Variants in MTHFD1 observed in about 807,000 individuals in gnomAD.
The protein encoded by MTHFD1 is methylenetetrahydrofolate dehydrogenase, cyclohydrolase and formyltetrahydrofolate synthetase 1.
MTHFD1 carries 44 observed loss-of-function variants against 110.3 expected under a neutral mutation model. The observed-to-expected ratio is 0.40, with a 90% CI of 0.31 to 0.51. MTHFD1 has a LOEUF of 0.51. MTHFD1 is among the 20% of genes least tolerant of loss of function. The pLI is 0.60. For missense variants in MTHFD1, 909 were observed against 1,173.1 expected, an observed-to-expected ratio of 0.77 and a Z score of 3.29; for synonymous variants, 402 against 428.8, an observed-to-expected ratio of 0.94 and a Z score of 0.77.
chr14:64,396,771 T>A (rs2140942593), intron 1 of MTHFD1, among the ~76,000 whole-genome samples: 1 of 151,534 alleles, frequency 6.6e-6, no homozygotes, highest in Middle Eastern at 3.4e-3. Context: ...AAAATGGGAA[T>A]AAAACATATT....
In MTHFD1 at chr14:64,419,893, T is replaced by C. The variant is rs2078055321; in HGVS notation, c.695T>C (p.Ile232Thr). ...VKGEWIKPGA[I>T]VIDCGINYVP... The stretch of plus-strand genomic sequence containing the variant: ...GGGGAGTGGATCAAACCTGGGGCAA[T>C]AGTCATCGACTGTGGAATCAATTAT... Residue 232 changes from isoleucine (I) to threonine (T), a missense_variant, in exon 8 of 28, where the codon ATA (isoleucine) becomes ACA (threonine). Coordinates refer to ENST00000652337, the MANE Select transcript of MTHFD1 (RefSeq NM_005956.4). The C allele has an allele frequency of 1.2e-6, 2 of 1,613,904 alleles. No homozygotes were observed. Among genetic ancestry groups the C allele is most frequent in the Admixed American group, 1.7e-5 (1 of 59,996 alleles).
Position 64,417,885 on chromosome 14 carries a change from C to T in MTHFD1, c.479-3C>T. On this transcript the variant is annotated splice_region_variant and splice_polypyrimidine_tract_variant and intron_variant, in intron 6 of 27. Transcript: ENST00000652337. The surrounding 1 kb of genome is among the most constrained non-coding windows in gnomAD (Gnocchi z 4.4). ...CTCTGATGCAGGCTGGCTTTTCTTT[C>T]AGGGGTGCCGATTGCCGGAAGGCAT... 6.2e-7 allele frequency: 1 copy of T among 1,612,406 alleles called. No homozygotes were observed. Among genetic ancestry groups the T allele is most frequent in the African/African-American group, 1.3e-5 (1 of 74,966 alleles).
At chr14:64,431,404 T>C (rs1217941490) in intron 13 of MTHFD1, 128 bp from the exon 14 acceptor site, 1 of 763,730 alleles carries the variant, frequency 1.3e-6, no homozygotes, top group East Asian at 2.7e-5. Flanking sequence ...TATTGGGTGT[T>C]TGTCCACTAA....
In MTHFD1 at chr14:64,447,665, C is replaced by T. The variant is rs776729907; in HGVS notation, c.2179-552C>T. Among the ~76,000 whole-genome samples, 83 of 152,042 alleles carry T rather than the reference C, an allele frequency of 5.5e-4. No individual in the cohort carries two copies. The Middle Eastern group carries it at 0.02, about 37-fold the overall frequency. On this transcript the variant is annotated intron_variant, in intron 22 of 27. Coordinates refer to ENST00000652337, the MANE Select transcript of MTHFD1 (RefSeq NM_005956.4). Reference sequence around the variant, plus strand: ...CTTATTTCTTGCCCTCGTTCACGGTCGAGTTCATTAAAACCTTTGAAAACA... The same window carrying T: ...CTTATTTCTTGCCCTCGTTCACGGTTGAGTTCATTAAAACCTTTGAAAACA...
At chr14:64,436,150 A>G (rs910720029) in intron 16 of MTHFD1, among the ~76,000 whole-genome samples, 1 of 151,784 alleles carries the variant, frequency 6.6e-6, no homozygotes, top group South Asian at 2.1e-4. Context: ...GCTAGAGTGC[A>G]GTGGCACAGT....
chr14:64,424,106 G>A (rs1346474882), intron 8 of MTHFD1: 1 of 154,214 alleles, frequency 6.5e-6, no homozygotes, highest in Non-Finnish European at 1.4e-5. Flanking sequence ...ATGCAGCGCG[G>A]GAGCCTTATT....
intron 8 of MTHFD1, among the ~76,000 whole-genome samples, chr14:64,422,297 A>G (rs1370201005): frequency 1.3e-5 from 2 of 152,154 alleles, no homozygotes; most frequent in Non-Finnish European, 2.9e-5. Context: ...TGATATTTGC[A>G]AATGTTCACT....
Position 64,431,861 on chromosome 14 carries a change from G to A in MTHFD1, c.1494G>A (p.Lys498=). The part of the protein sequence containing the change: ...RFSDIQIRRL[K]RLGIEKTDPT... ...CTGACATCCAAATCCGAAGGTTAAA[G>A]GTAAGCTTTTTTTCTTCCACATTTT... Residue 498 remains lysine, a splice_region_variant and synonymous_variant, in exon 15 of 28, where the codon AAG becomes AAA. Coordinates refer to ENST00000652337, the MANE Select transcript of MTHFD1 (RefSeq NM_005956.4). The A allele has an allele frequency of 6.2e-7, 1 of 1,613,660 alleles. No homozygotes were observed. The highest frequency in any genetic ancestry group is 8.5e-7 in the Non-Finnish European group (1 of 1,179,598).
chr14:64,458,323 G>A lies in MTHFD1; in HGVS notation c.*4+16G>A, dbSNP rs369797412. On this transcript the variant is annotated intron_variant, in intron 27 of 27. Transcript: ENST00000652337. ...TTCTAAACAGGTAAGTTGTTACTGG[G>A]TAATAATTTGGCTTTTTTCCTCATG... 2 of 1,575,114 alleles carry A rather than the reference G, an allele frequency of 1.3e-6. No homozygotes were observed. The highest frequency in any genetic ancestry group is 1.7e-6 in the Non-Finnish European group (2 of 1,144,572).
At chr14:64,429,498 T>C (rs77748488) in intron 12 of MTHFD1, among the ~76,000 whole-genome samples, 1 of 151,920 alleles carries the variant, frequency 6.6e-6, no homozygotes, top group Non-Finnish European at 1.5e-5. Flanking sequence ...CTAATACAGA[T>C]TGAGCATCAG....
intron 6 of MTHFD1, among the ~76,000 whole-genome samples, chr14:64,416,662 G>A (rs1171192320): frequency 6.6e-6 from 1 of 152,200 alleles, no homozygotes; most frequent in Non-Finnish European, 1.5e-5. Flanking sequence ...CAGCATAAAT[G>A]AAAATTTTCT....
intron 8 of MTHFD1, among the ~76,000 whole-genome samples, chr14:64,421,378 T>A (rs2078069244): frequency 1.3e-5 from 2 of 152,184 alleles, no homozygotes; most frequent in Admixed American, 1.3e-4. Context: ...TCCCTTCCCA[T>A]CTCAAGTTTC....
rs11158541 is a variant in MTHFD1, at chr14:64,429,261, A to AACATATATATATGTATATATATAT, written c.1265-922_1265-921insCATATATATATGTATATATATATA. Among the ~76,000 whole-genome samples, 6 of 108,218 alleles carry AACATATATATATGTATATATATAT rather than the reference A, an allele frequency of 5.5e-5. 2 individuals are homozygous for AACATATATATATGTATATATATAT. Among genetic ancestry groups the AACATATATATATGTATATATATAT allele is most frequent in the Non-Finnish European group, 1.0e-4 (5 of 49,114 alleles). The allele number at this position is 108,218 out of a possible 152,430, so 71.0% of individuals were successfully genotyped here. On this transcript the variant is annotated intron_variant, in intron 12 of 27. Coordinates refer to ENST00000652337, the MANE Select transcript of MTHFD1 (RefSeq NM_005956.4). ...GACAGTATGAGACTCTGTCTAAAAAAATATATATCTGATTTACATTTATTG... is the reference window on the plus strand; with the variant it reads ...GACAGTATGAGACTCTGTCTAAAAAAACATATATATATGTATATATATATATATATATCTGATTTACATTTATTG...
At chr14:64,448,153 A>G in intron 22 of MTHFD1, 64 bp from the exon 23 acceptor site, 10 of 1,234,830 alleles carry the variant, frequency 8.1e-6, no homozygotes, top group Admixed American at 1.8e-5. Context: ...TTTGCCTTTG[A>G]AGAAGAACCT....
At chr14:64,448,367 G>A in intron 23 of MTHFD1, 50 bp downstream of exon 23, 2 of 1,365,388 alleles carry the variant, frequency 1.5e-6, no homozygotes, top group Non-Finnish European at 2.1e-6. Flanking sequence ...ATCTCCTGGA[G>A]CTGATTGTAC....
intron 26 of MTHFD1, among the ~76,000 whole-genome samples, chr14:64,456,106 A>T (rs534689212): frequency 5.9e-5 from 9 of 152,322 alleles, no homozygotes; most frequent in African/African-American, 1.4e-4. Flanking sequence ...GTCACTTTTG[A>T]TCTTCACATG....
At chr14:64,451,679 T>C (rs778646843) in intron 24 of MTHFD1, among the ~76,000 whole-genome samples, 17 of 152,210 alleles carry the variant, frequency 1.1e-4, no homozygotes, top group Non-Finnish European at 1.8e-4. Context: ...CAGGGACATA[T>C]GGACTTTAGA....
intron 6 of MTHFD1, among the ~76,000 whole-genome samples, chr14:64,416,186 A>T (rs2078024724): frequency 6.6e-6 from 1 of 152,160 alleles, no homozygotes; most frequent in Non-Finnish European, 1.5e-5. Flanking sequence ...CGGAGGTTGC[A>T]GTGAGCCGAG....
chr14:64,441,832 T>G, intron 19 of MTHFD1: 1 of 616,220 alleles, frequency 1.6e-6, no homozygotes, highest in Non-Finnish European at 2.9e-6. Flanking sequence ...TAAGCACACT[T>G]AACCTGGGTA....
Sources: allele counts gnomAD v4.1 joint callset (sites outside exome capture counted in the v4.1 genomes callset), GRCh38; gene constraint gnomAD v4.1.1; non-coding constraint Gnocchi (gnomAD v3.1); transcripts MANE v1.5; gene names NCBI Gene and HGNC (gene_info 2026-07-23, HGNC 2026-07-21).